Variants in RAB38 observed in about 807,000 individuals in gnomAD.
RAB38 encodes ras-related protein Rab-38.
RAB38 carries 15 observed loss-of-function variants against 18.4 expected under a neutral mutation model. The observed-to-expected ratio is 0.82, with a 90% CI of 0.55 to 1.26. The LOEUF (loss-of-function observed/expected upper bound fraction) is 1.26, where lower values mean the gene tolerates loss of function less well. RAB38 is among the 50% of genes most tolerant of loss of function. The probability of loss-of-function intolerance (pLI) is 0.00; values close to 1 mark genes in which losing one functional copy is unlikely to be tolerated. For synonymous variants in RAB38, 101 were observed against 104.4 expected (o/e 0.97, Z 0.20); for missense variants, 294 against 267.4 (o/e 1.10, Z -0.69).
At chr11:87,894,598 T>C in the RAB38 span, among the ~76,000 whole-genome samples, 1 of 151,614 alleles carries the variant, frequency 6.6e-6, no homozygotes, top group Non-Finnish European at 1.5e-5. Flanking sequence ...TGGCATTTTA[T>C]AGTCTTAGCT....
chr11:87,813,805 G>C, the RAB38 span, among the ~76,000 whole-genome samples: 2 of 152,054 alleles, frequency 1.3e-5, no homozygotes, highest in African/African-American at 4.8e-5. Context: ...GTATGACGGT[G>C]GTGGCTGGCA....
chr11:87,932,786 C>T, the RAB38 span, among the ~76,000 whole-genome samples: 7 of 152,076 alleles, frequency 4.6e-5, no homozygotes, highest in Non-Finnish European at 8.8e-5. Context: ...TCTACTCATA[C>T]CTTAATGGCA....
intron 1 of RAB38, among the ~76,000 whole-genome samples, chr11:88,161,097 C>A (rs1205680383): frequency 6.6e-6 from 1 of 152,064 alleles, no homozygotes; most frequent in Admixed American, 6.6e-5. Flanking sequence ...CTCTTATATG[C>A]CCAAGAAAAA....
chr11:87,973,112 T>G, the RAB38 span, among the ~76,000 whole-genome samples: 1 of 152,040 alleles, frequency 6.6e-6, no homozygotes, highest in South Asian at 2.1e-4. Flanking sequence ...ACTTCTTTTC[T>G]TTATAAATTA....
chr11:87,819,540 A>G, the RAB38 span, among the ~76,000 whole-genome samples: 2 of 152,014 alleles, frequency 1.3e-5, no homozygotes, highest in African/African-American at 2.4e-5. Context: ...ACTGGATTTA[A>G]TAATTACATT....
the RAB38 span, among the ~76,000 whole-genome samples, chr11:88,039,027 T>G: frequency 2.0e-5 from 3 of 152,168 alleles, no homozygotes; most frequent in African/African-American, 4.8e-5. Flanking sequence ...TAATGAGGAA[T>G]CAAAGAAGCA....
At chr11:87,897,853 C>T in the RAB38 span, among the ~76,000 whole-genome samples, 1 of 151,546 alleles carries the variant, frequency 6.6e-6, no homozygotes, top group Admixed American at 6.6e-5. Flanking sequence ...ATGACCAGAA[C>T]ACTCGAATTG....
the RAB38 span, among the ~76,000 whole-genome samples, chr11:87,804,034 A>G: frequency 1.3e-5 from 2 of 152,202 alleles, no homozygotes; most frequent in African/African-American, 4.8e-5. Context: ...TTTCACTCTG[A>G]TGCAACTTGG....
chr11:87,888,460 T>C, the RAB38 span, among the ~76,000 whole-genome samples: 95,859 of 151,850 alleles, frequency 0.63, 32,874 homozygotes, highest in Non-Finnish European at 0.77. Flanking sequence ...ACTCTTTATC[T>C]GTAAGATCTG....
At chr11:87,959,302 C>G in the RAB38 span, among the ~76,000 whole-genome samples, 4 of 152,230 alleles carry the variant, frequency 2.6e-5, no homozygotes, top group East Asian at 7.7e-4. Context: ...CATTCTAAAA[C>G]CTACACAGTA....
the RAB38 span, among the ~76,000 whole-genome samples, chr11:88,039,568 C>T: frequency 1.3e-5 from 2 of 152,126 alleles, 1 homozygote; most frequent in South Asian, 4.1e-4. Context: ...CTCCTTTCTT[C>T]TTGAGGTTCA....
the RAB38 span, among the ~76,000 whole-genome samples, chr11:88,035,660 A>T: frequency 6.6e-6 from 1 of 152,188 alleles, no homozygotes; most frequent in Non-Finnish European, 1.5e-5. Flanking sequence ...CATTTTCTTG[A>T]GTTTTCTTTC....
At chr11:88,141,806 A>T (rs1256453186) in intron 2 of RAB38, among the ~76,000 whole-genome samples, 1 of 152,126 alleles carries the variant, frequency 6.6e-6, no homozygotes, top group Admixed American at 6.5e-5. Context: ...CTCTGCCTAG[A>T]ATACCTTTCT....
the RAB38 span, among the ~76,000 whole-genome samples, chr11:88,050,636 A>G: frequency 2.8e-4 from 43 of 152,354 alleles, no homozygotes; most frequent in African/African-American, 9.1e-4. Flanking sequence ...TGAAATATGT[A>G]TTGCTTTTTC....
chr11:87,882,558 C>A, the RAB38 span, among the ~76,000 whole-genome samples: 1 of 151,818 alleles, frequency 6.6e-6, no homozygotes, highest in African/African-American at 2.4e-5. Flanking sequence ...TTGCTTCCTG[C>A]TAGACACTGT....
the RAB38 span, among the ~76,000 whole-genome samples, chr11:88,011,856 A>T: frequency 6.6e-6 from 1 of 152,152 alleles, no homozygotes. Context: ...AGGCCTCCAT[A>T]ACTCCAAATC....
chr11:88,013,017 T>C, the RAB38 span, among the ~76,000 whole-genome samples: 1 of 152,214 alleles, frequency 6.6e-6, no homozygotes, highest in East Asian at 1.9e-4. Context: ...GCCTGTTTTC[T>C]CATGTGCAAA....
At chr11:87,852,383 T>C in the RAB38 span, among the ~76,000 whole-genome samples, 1 of 152,200 alleles carries the variant, frequency 6.6e-6, no homozygotes, top group African/African-American at 2.4e-5. Context: ...AGTCATTTCA[T>C]TGTTCTTCCC....
chr11:88,140,387 A>G (rs759541000), intron 2 of RAB38, among the ~76,000 whole-genome samples: 1 of 152,254 alleles, frequency 6.6e-6, no homozygotes, highest in Admixed American at 6.5e-5. Context: ...GCCAAGAATA[A>G]TAGAATAAAA....
Sources: gnomAD v4.1 joint callset for allele counts (sites outside exome capture counted in the v4.1 genomes callset) on GRCh38, gnomAD v4.1.1 for gene constraint, MANE v1.5 for transcripts, NCBI Gene and HGNC (gene_info 2026-07-23, HGNC 2026-07-21) for gene names.